Variants in LCOR observed in about 807,000 individuals in gnomAD.
The protein encoded by LCOR is ligand dependent nuclear receptor corepressor, also known as ligand-dependent corepressor.
In LCOR, 14 loss-of-function variants were observed where a neutral mutation model predicts 64.4. The observed-to-expected ratio is 0.22, with a 90% CI of 0.14 to 0.34. The LOEUF is 0.34. Ranked by LOEUF, LCOR falls within the 10% of genes least tolerant of loss-of-function variation. The pLI, the probability that LCOR is intolerant of heterozygous loss-of-function variation, is 1.00. For missense variants in LCOR, 1,686 were observed against 1,765.3 expected (o/e 0.96, Z 0.80); for synonymous variants, 643 against 642.5 (o/e 1.00, Z -0.01).
intron 7 of LCOR, among the ~76,000 whole-genome samples, chr10:96,975,360 C>T (rs1238733725): frequency 6.6e-6 from 1 of 152,050 alleles, no homozygotes; most frequent in South Asian, 2.1e-4. Flanking sequence ...CCTCTCAGAT[C>T]GAAGGGAAGC....
At chr10:96,866,628 T>C (rs916916608) in intron 2 of LCOR, among the ~76,000 whole-genome samples, 23 of 152,322 alleles carry the variant, frequency 1.5e-4, no homozygotes, top group African/African-American at 5.5e-4. Context: ...TTGCCCAGGC[T>C]AGAGTGCAAT....
intron 2 of LCOR, among the ~76,000 whole-genome samples, chr10:96,876,698 T>C (rs1846169789): frequency 1.3e-5 from 2 of 152,206 alleles, no homozygotes; most frequent in Admixed American, 6.5e-5. Flanking sequence ...AGGCTTTTTT[T>C]TTCCTTTTGA....
chr10:96,880,372 A>G (rs192946088), intron 2 of LCOR, among the ~76,000 whole-genome samples: 1 of 152,196 alleles, frequency 6.6e-6, no homozygotes, highest in Admixed American at 6.5e-5. Flanking sequence ...CATCTTGTTT[A>G]GGTTATCTAT....
chr10:96,993,760 T>A lies in LCOR; in HGVS notation c.*8626T>A, dbSNP rs1020381685. The A allele has an allele frequency of 2.7e-5, 4 of 146,106 alleles. No homozygotes were observed. Among genetic ancestry groups the A allele is most frequent in the African/African-American group, 7.5e-5 (3 of 40,118 alleles). 9.1% of individuals were successfully genotyped at this position (146,106 alleles called of 1,614,324 possible). On this transcript the variant is annotated 3_prime_UTR_variant, in exon 8 of 8. Coordinates refer to ENST00000421806, the MANE Select transcript of LCOR (RefSeq NM_001346516.2). ...GGTTATGTTATATTATATATATATA[T>A]TATATATATATATATACAGGTGTAT...
chr10:96,839,709 G>A (rs1845506445), intron 2 of LCOR, among the ~76,000 whole-genome samples: 1 of 150,516 alleles, frequency 6.6e-6, no homozygotes, highest in African/African-American at 2.4e-5. Flanking sequence ...TTTTTGAGAC[G>A]AAGTCTGGCT....
intron 2 of LCOR, among the ~76,000 whole-genome samples, chr10:96,876,565 A>G (rs1437466445): frequency 6.6e-6 from 1 of 152,256 alleles, no homozygotes; most frequent in Admixed American, 6.5e-5. Flanking sequence ...TTATTAATAC[A>G]TAACTTTCTG....
intron 4 of LCOR, among the ~76,000 whole-genome samples, chr10:96,941,206 C>T (rs1448004345): frequency 4.9e-5 from 7 of 142,668 alleles, no homozygotes; most frequent in Non-Finnish European, 9.3e-5. Flanking sequence ...CCCCACCTCC[C>T]TCCCGGACGG....
At chr10:96,942,762 A>G (rs531964822) in intron 4 of LCOR, among the ~76,000 whole-genome samples, 149 of 152,286 alleles carry the variant, frequency 9.8e-4, no homozygotes, top group Non-Finnish European at 1.8e-3. Flanking sequence ...GCATTATAAC[A>G]TGTCTTCAAT....
intron 7 of LCOR, among the ~76,000 whole-genome samples, chr10:96,970,852 C>A (rs1344499091): frequency 6.6e-6 from 1 of 151,824 alleles, no homozygotes; most frequent in Non-Finnish European, 1.5e-5. Context: ...CTCCTGAGCT[C>A]AGGCAATCCT....
At chr10:96,952,286 A>G (rs1478897817) in intron 7 of LCOR, 90 bp downstream of exon 7, 5 of 842,786 alleles carry the variant, frequency 5.9e-6, no homozygotes, top group Non-Finnish European at 9.7e-6. Flanking sequence ...TTTAAAAAAT[A>G]ACCCTTCTAA....
chr10:96,833,327 A>C, intron 1 of LCOR, 79 bp from the exon 2 acceptor site: 1 of 956,652 alleles, frequency 1.0e-6, no homozygotes, highest in Non-Finnish European at 1.2e-6. Context: ...GGGAGCGCGG[A>C]CGGGGGCGCC....
In LCOR at chr10:96,949,237, C is replaced by T; in HGVS notation, c.180C>T (p.Asp60=). The T allele has an allele frequency of 6.2e-7, 1 of 1,614,096 alleles. No individual in the cohort carries two copies. The highest frequency in any genetic ancestry group is 8.5e-7 in the Non-Finnish European group (1 of 1,180,002). ...NPVLSKLLMA[D]QDSPLDLTVR... The stretch of plus-strand genomic sequence containing the variant: ...TGCTCAGCAAACTTCTCATGGCTGA[C>T]CAAGACTCACCTCTGGACCTTACTG... Residue 60 remains aspartate, a synonymous_variant, in exon 6 of 8, where the codon GAC becomes GAT. Transcript: ENST00000421806.
chr10:96,937,739 C>T (rs915349453), intron 4 of LCOR, among the ~76,000 whole-genome samples: 1 of 152,120 alleles, frequency 6.6e-6, no homozygotes, highest in Non-Finnish European at 1.5e-5. Context: ...AGAGAGAAGA[C>T]GTCCTTATTC....
chr10:96,862,380 C>A (rs1029787022), intron 2 of LCOR, among the ~76,000 whole-genome samples: 1 of 152,120 alleles, frequency 6.6e-6, no homozygotes, highest in African/African-American at 2.4e-5. Context: ...GTCCTCCCAC[C>A]TCAGCCTCCT....
intron 2 of LCOR, among the ~76,000 whole-genome samples, chr10:96,846,272 TA>T: frequency 6.6e-6 from 1 of 152,116 alleles, no homozygotes; most frequent in Non-Finnish European, 1.5e-5. Context: ...TTTTTTAAAT[TA>T]AGACAGGGTC....
intron 2 of LCOR, among the ~76,000 whole-genome samples, chr10:96,849,572 G>A (rs1301536571): frequency 6.6e-6 from 1 of 152,114 alleles, no homozygotes; most frequent in Admixed American, 6.5e-5. Flanking sequence ...GAAACTTTTT[G>A]AACACCGAAG....
intron 2 of LCOR, among the ~76,000 whole-genome samples, chr10:96,890,738 G>A (rs1386960708): frequency 6.6e-6 from 1 of 152,126 alleles, no homozygotes; most frequent in African/African-American, 2.4e-5. Context: ...AGATTGTTGA[G>A]CGTTTTTATC....
At chr10:96,957,372 A>G (rs1232523519) in intron 7 of LCOR, 1 of 985,016 alleles carries the variant, frequency 1.0e-6, no homozygotes, top group African/African-American at 1.7e-5. Context: ...GGCTTTTAAA[A>G]TTATAATAAG....
chr10:96,861,696 C>T (rs557632779), intron 2 of LCOR, among the ~76,000 whole-genome samples: 5 of 152,240 alleles, frequency 3.3e-5, no homozygotes, highest in East Asian at 3.9e-4. Context: ...CAGATGTGTG[C>T]CATCACACCC....
Sources: allele counts gnomAD v4.1 joint callset (sites outside exome capture counted in the v4.1 genomes callset), GRCh38; gene constraint gnomAD v4.1.1; transcripts MANE v1.5; gene names NCBI Gene and HGNC (gene_info 2026-07-23, HGNC 2026-07-21).